The following FILIP1L variants were observed in gnomAD, a reference collection of about 807,000 sequenced individuals.
FILIP1L encodes filamin A interacting protein 1 like.
In FILIP1L, 55 loss-of-function variants were observed where a neutral mutation model predicts 96.6. The observed-to-expected ratio is 0.57, with a 90% CI of 0.46 to 0.71. FILIP1L has a LOEUF of 0.71. FILIP1L is among the 30% of genes least tolerant of loss of function. The pLI is 0.00. For synonymous variants in FILIP1L, 467 were observed against 473.9 expected (o/e 0.99, Z 0.19); for missense variants, 1,304 against 1,321.2 (o/e 0.99, Z 0.20).
chr3:100,078,260 A>G (rs894852889), intron 1 of FILIP1L, among the ~76,000 whole-genome samples: 3 of 152,216 alleles, frequency 2.0e-5, no homozygotes, highest in Non-Finnish European at 2.9e-5. Flanking sequence ...TTATTGAAAT[A>G]AAACACCCTC....
intron 1 of FILIP1L, among the ~76,000 whole-genome samples, chr3:100,002,062 G>A (rs1709858445): frequency 6.6e-6 from 1 of 152,166 alleles, no homozygotes; most frequent in African/African-American, 2.4e-5. Flanking sequence ...GTGACTGTTT[G>A]CAGCTCTGGA....
chr3:99,851,133 T>G, intron 4 of FILIP1L, 63 bp from the exon 5 acceptor site: 2 of 1,262,616 alleles, frequency 1.6e-6, no homozygotes, highest in East Asian at 4.7e-5. Flanking sequence ...CGAATGTACT[T>G]AAATATATAT....
chr3:99,833,025 C>A (rs1182356798), intron 5 of FILIP1L: 3 of 551,406 alleles, frequency 5.4e-6, no homozygotes, highest in South Asian at 2.5e-5. Context: ...AAGAGAAATA[C>A]ATGCATATGG....
intron 1 of FILIP1L, among the ~76,000 whole-genome samples, chr3:99,954,909 C>A (rs1020354005): frequency 6.6e-6 from 1 of 152,122 alleles, no homozygotes; most frequent in Admixed American, 6.6e-5. Flanking sequence ...CTAAGCACCA[C>A]GTCTGGCATA....
At chr3:99,896,527 A>G (rs1291287120) in intron 4 of FILIP1L, among the ~76,000 whole-genome samples, 1 of 152,212 alleles carries the variant, frequency 6.6e-6, no homozygotes, top group Non-Finnish European at 1.5e-5. Flanking sequence ...AAAGGTTCCC[A>G]AAAGAGAACG....
chr3:100,009,919 C>G (rs1439045330), intron 1 of FILIP1L, among the ~76,000 whole-genome samples: 1 of 152,130 alleles, frequency 6.6e-6, no homozygotes, highest in Non-Finnish European at 1.5e-5. Context: ...TTTCTTTCAC[C>G]ATTGCTTTTG....
chr3:100,015,357 G>A (rs1178218612), intron 1 of FILIP1L, among the ~76,000 whole-genome samples: 1 of 152,090 alleles, frequency 6.6e-6, no homozygotes, highest in Admixed American at 6.5e-5. Context: ...TTTTGCTCGA[G>A]ATTGGAGTAT....
At chr3:99,976,778 G>A (rs1231682332) in intron 1 of FILIP1L, among the ~76,000 whole-genome samples, 2 of 152,078 alleles carry the variant, frequency 1.3e-5, no homozygotes, top group African/African-American at 4.8e-5. Context: ...TGGACCTGTG[G>A]TTTGATGTCT....
intron 1 of FILIP1L, among the ~76,000 whole-genome samples, chr3:99,967,926 C>T (rs151046884): frequency 3.2e-4 from 48 of 152,256 alleles, no homozygotes; most frequent in Non-Finnish European, 5.3e-4. Context: ...ATAAGTGCAA[C>T]GGTATGTGGG....
chr3:99,924,930 T>C (rs1307837536), intron 3 of FILIP1L, among the ~76,000 whole-genome samples: 1 of 152,224 alleles, frequency 6.6e-6, no homozygotes, highest in Non-Finnish European at 1.5e-5. Flanking sequence ...AAATTTTTCT[T>C]GACAGAATAA....
intron 4 of FILIP1L, among the ~76,000 whole-genome samples, chr3:99,910,521 C>A (rs1414445620): frequency 7.3e-6 from 1 of 136,610 alleles, no homozygotes; most frequent in African/African-American, 2.5e-5. Context: ...GGTGAAGTGG[C>A]AGATGCATGT....
chr3:99,924,112 C>A (rs1707211204), intron 4 of FILIP1L, 118 bp downstream of exon 4: 2 of 842,926 alleles, frequency 2.4e-6, no homozygotes, highest in African/African-American at 1.7e-5. Flanking sequence ...TCACCCTGGA[C>A]TATGAGATCT....
chr3:99,976,647 T>TA (rs534832704), intron 1 of FILIP1L, among the ~76,000 whole-genome samples: 502 of 152,168 alleles, frequency 3.3e-3, no homozygotes, highest in Non-Finnish European at 5.4e-3. Context: ...ATCTTTTTTT[T>TA]AAACTGTTTA....
intron 1 of FILIP1L, among the ~76,000 whole-genome samples, chr3:100,082,817 C>A (rs2065952485): frequency 6.6e-6 from 1 of 152,138 alleles, no homozygotes; most frequent in South Asian, 2.1e-4. Context: ...CATAGACTTA[C>A]CTTCGTTGAC....
At position 99,983,389 on chromosome 3, in the gene FILIP1L, A is replaced by AATAAATAT. The variant is rs1302972402; in HGVS notation, c.-10-52360_-10-52359insATATTTAT. ...TCTCTACTTAAAAAATAAATAAATA[A>AATAAATAT]ATATATATATATATATATATATATA... On this transcript the variant is annotated intron_variant, in intron 1 of 5. Transcript: ENST00000477258. Among the ~76,000 whole-genome samples the AATAAATAT allele has an allele frequency of 2.2e-4, 9 of 40,792 alleles. 1 individual carries two copies. Among genetic ancestry groups the AATAAATAT allele is most frequent in the African/African-American group, 9.2e-4 (9 of 9,792 alleles). 26.8% of individuals were successfully genotyped at this position (40,792 alleles called of 152,430 possible).
At chr3:99,839,662 G>T (rs1943044044) in intron 5 of FILIP1L, among the ~76,000 whole-genome samples, 1 of 152,162 alleles carries the variant, frequency 6.6e-6, no homozygotes, top group Non-Finnish European at 1.5e-5. Flanking sequence ...TTCTAGTTTA[G>T]AATTCAGGTA....
intron 1 of FILIP1L, among the ~76,000 whole-genome samples, chr3:99,965,679 T>C (rs577479520): frequency 1.3e-5 from 2 of 152,296 alleles, no homozygotes; most frequent in East Asian, 3.9e-4. Context: ...CTATGATAAA[T>C]ATCTGAGCCC....
At chr3:100,036,414 G>A (rs534557528) in intron 1 of FILIP1L, among the ~76,000 whole-genome samples, 1 of 152,282 alleles carries the variant, frequency 6.6e-6, no homozygotes, top group East Asian at 1.9e-4. Context: ...GGCTTGAAAG[G>A]ACTGCCACTG....
intron 1 of FILIP1L, among the ~76,000 whole-genome samples, chr3:100,063,881 A>G (rs1343827185): frequency 3.3e-5 from 5 of 152,262 alleles, no homozygotes; most frequent in Non-Finnish European, 5.9e-5. Context: ...CTTGAAGTAT[A>G]GAGAAAAACC....
Sources: allele counts gnomAD v4.1 joint callset (sites outside exome capture counted in the v4.1 genomes callset), GRCh38; gene constraint gnomAD v4.1.1; transcripts MANE v1.5; gene names NCBI Gene and HGNC (gene_info 2026-07-23, HGNC 2026-07-21).